The following DGCR2 variants were observed in gnomAD, a reference collection of about 807,000 sequenced individuals.
The protein encoded by DGCR2 is DiGeorge syndrome critical region gene 2, also known as integral membrane protein DGCR2/IDD.
A neutral mutation model predicts 51.6 loss-of-function variants in DGCR2; 24 were observed. The ratio of observed to expected loss-of-function variants is 0.47; its 90% CI spans 0.34 to 0.65. The LOEUF (loss-of-function observed/expected upper bound fraction) is 0.65. DGCR2 is among the 30% of genes least tolerant of loss of function. The pLI is 0.01. For synonymous variants in DGCR2, 340 were observed against 315.4 expected, an observed-to-expected ratio of 1.08 and a Z score of -0.82; for missense variants, 765 against 772.1, an observed-to-expected ratio of 0.99 and a Z score of 0.11.
chr22:19,084,815 G>T (rs1227193364), intron 2 of DGCR2, among the ~76,000 whole-genome samples: 26 of 136,984 alleles, frequency 1.9e-4, no homozygotes, highest in African/African-American at 6.1e-4. Context: ...AGGTGGGGGG[G>T]CGCCTCCGCC....
At chr22:19,113,225 C>T (rs1288102684) in intron 1 of DGCR2, among the ~76,000 whole-genome samples, 1 of 152,032 alleles carries the variant, frequency 6.6e-6, no homozygotes, top group Admixed American at 6.6e-5. Context: ...CAAAAATTAG[C>T]CAGGTGTGGT....
intron 6 of DGCR2, among the ~76,000 whole-genome samples, chr22:19,050,835 A>G (rs1315984461): frequency 1.3e-5 from 2 of 152,212 alleles, no homozygotes; most frequent in Non-Finnish European, 2.9e-5. Context: ...TTTAGGAAAA[A>G]AACACAGAAG....
chr22:19,106,964 C>G (rs557234292), intron 1 of DGCR2, among the ~76,000 whole-genome samples: 7 of 152,022 alleles, frequency 4.6e-5, no homozygotes, highest in South Asian at 2.1e-4. Context: ...AGAGCCCCAC[C>G]ACCAGTCTGG....
At chr22:19,089,863 G>A (rs565176875) in intron 1 of DGCR2, among the ~76,000 whole-genome samples, 82 of 152,376 alleles carry the variant, frequency 5.4e-4, no homozygotes, top group African/African-American at 1.9e-3. Context: ...TTACAGGCAT[G>A]TACCACTGTG....
rs1449288417 is a variant in DGCR2, at chr22:19,039,058, C to A, written c.1460G>T (p.Gly487Val). Reference protein sequence around the residue: ...LPAPGDGGSEGALLRRLEQPL... With the variant: ...LPAPGDGGSEVALLRRLEQPL... ...CTGCTCCAGGCGCCGGAGTAATGCA[C>A]CTTCACTCCCACCATCCCCAGGGGC... Residue 487 changes from glycine (G) to valine (V), a missense_variant, in exon 10 of 10, where the codon GGT (glycine) becomes GTT (valine). Physicochemically the swap from Gly to Val is moderately radical, Grantham distance 109. Transcript: ENST00000263196. The A allele has an allele frequency of 6.2e-7, 1 of 1,613,252 alleles. No homozygotes were observed. Among genetic ancestry groups the A allele is most frequent in the Non-Finnish European group, 8.5e-7 (1 of 1,180,004 alleles).
chr22:19,119,214 T>TG (rs1417118310), intron 1 of DGCR2, among the ~76,000 whole-genome samples: 2 of 152,066 alleles, frequency 1.3e-5, no homozygotes, highest in African/African-American at 4.8e-5. Context: ...GACACACAGT[T>TG]GGAGTGCACA....
chr22:19,068,233 CA>C lies in DGCR2; in HGVS notation c.203-9del. ...GCACCTCCCCGGTCACTTCTGAAAG[CA>C]AAAGGAGATGTGTGCTGTGAGTCCT... On this transcript the variant is annotated splice_polypyrimidine_tract_variant and intron_variant, in intron 2 of 9. Transcript: ENST00000263196. The C allele has an allele frequency of 6.3e-7, 1 of 1,585,276 alleles. No individual in the cohort carries two copies. Among genetic ancestry groups the C allele is most frequent in the South Asian group, 1.2e-5 (1 of 86,788 alleles).
In DGCR2 at chr22:19,068,214, C is replaced by T. The variant is rs1009344591; in HGVS notation, c.214G>A (p.Glu72Lys). ...TCCTTCCCATGATGAGGACGCACCT[C>T]CCCGGTCACTTCTGAAAGCAAAAGG... is the stretch of plus-strand genomic sequence containing the variant. Reference protein sequence around the residue: ...DEANCPEVTGEVRPHHGKEAV... With the variant: ...DEANCPEVTGKVRPHHGKEAV... The change falls in exon 3 of 10, where the codon GAG becomes AAG. Residue 72 changes from glutamate (E) to lysine (K), a missense_variant. Glu to Lys is a moderately conservative substitution (Grantham distance 56). Transcript: ENST00000263196. 1.2e-6 allele frequency: 2 copies of T among 1,600,714 alleles called. No homozygotes were observed. The highest frequency in any genetic ancestry group is 1.3e-5 in the African/African-American group (1 of 74,550).
intron 4 of DGCR2, 115 bp from the exon 5 acceptor site, chr22:19,063,393 T>TA: frequency 1.1e-6 from 1 of 939,204 alleles, no homozygotes; most frequent in Non-Finnish European, 1.6e-6. Flanking sequence ...CAGGATGGAG[T>TA]GCAGTGGTGC....
chr22:19,061,947 G>A (rs2082668070), intron 5 of DGCR2: 1 of 152,164 alleles, frequency 6.6e-6, no homozygotes, highest in South Asian at 2.1e-4. Context: ...AGCTGCACTT[G>A]GCCATTAAAG....
chr22:19,050,912 G>A (rs930314528), intron 6 of DGCR2, among the ~76,000 whole-genome samples: 5 of 152,178 alleles, frequency 3.3e-5, no homozygotes, highest in African/African-American at 1.2e-4. Flanking sequence ...AAGGAAGCTG[G>A]TTTCAGTGGC....
chr22:19,048,207 G>T (rs2082511053), intron 7 of DGCR2: 2 of 580,350 alleles, frequency 3.4e-6, no homozygotes, highest in Admixed American at 6.1e-5. Flanking sequence ...ATTTGTGAAT[G>T]CTGCCTGTCA....
intron 1 of DGCR2, among the ~76,000 whole-genome samples, chr22:19,112,180 G>A (rs914732867): frequency 6.6e-6 from 1 of 150,778 alleles, no homozygotes; most frequent in African/African-American, 2.4e-5. Flanking sequence ...GGCTGAGGCA[G>A]GAGAATCGCT....
At chr22:19,078,746 C>T (rs2082906010) in intron 2 of DGCR2, among the ~76,000 whole-genome samples, 2 of 152,160 alleles carry the variant, frequency 1.3e-5, no homozygotes, top group African/African-American at 4.8e-5. Context: ...GACTGCTAAA[C>T]TTGGTTAACT....
In DGCR2 at chr22:19,038,776, G is replaced by A. The variant is rs113193119; in HGVS notation, c.*89C>T. ...TGCGGCAGTGCGTGGCGTCCAGGCT[G>A]GGACAGGGGCCTTTCAAGTCTCCCC... is the stretch of plus-strand genomic sequence containing the variant. On this transcript the variant is annotated 3_prime_UTR_variant, in exon 10 of 10. Transcript: ENST00000263196. 3,069 of 1,526,888 alleles carry A rather than the reference G, an allele frequency of 2.0e-3. 7 individuals are homozygous for A. Among genetic ancestry groups the A allele is most frequent in the Non-Finnish European group, 2.5e-3 (2,825 of 1,125,376 alleles). 94.6% of individuals were successfully genotyped at this position (1,526,888 alleles called of 1,614,324 possible). A position where few individuals can be genotyped will look rare whatever the true frequency, so the allele number is the denominator to read the frequency against.
In DGCR2 at chr22:19,037,569, C is replaced by T. The variant is rs112819192; in HGVS notation, c.*1296G>A. ...CAGTGACCCGTGAAGTTCCATGTGCCACCCTCACCTGCAGACGCTTGGCCA... is the reference window on the plus strand; with the variant it reads ...CAGTGACCCGTGAAGTTCCATGTGCTACCCTCACCTGCAGACGCTTGGCCA... On this transcript the variant is annotated 3_prime_UTR_variant, in exon 10 of 10. Transcript: ENST00000263196. 0.014 allele frequency: 2,078 copies of T among 152,488 alleles called. 13 individuals are homozygous for T. The highest frequency in any genetic ancestry group is 0.03 in the South Asian group (146 of 4,826). 9.4% of individuals were successfully genotyped at this position (152,488 alleles called of 1,614,324 possible).
chr22:19,058,458 T>A (rs2082626268), intron 5 of DGCR2, among the ~76,000 whole-genome samples: 1 of 152,132 alleles, frequency 6.6e-6, no homozygotes, highest in African/African-American at 2.4e-5. Flanking sequence ...GCCACCACCA[T>A]CACGCTGTGC....
intron 1 of DGCR2, among the ~76,000 whole-genome samples, chr22:19,110,057 T>G (rs2083298223): frequency 6.6e-6 from 1 of 152,226 alleles, no homozygotes; most frequent in Admixed American, 6.5e-5. Context: ...AAAGCACATG[T>G]CCTATCATAT....
chr22:19,110,637 A>T (rs112503004), intron 1 of DGCR2, among the ~76,000 whole-genome samples: 2,554 of 50,710 alleles, frequency 0.05, 79 homozygotes, highest in African/African-American at 0.23. Context: ...AAATTAAATT[A>T]AAAAAAAAAA....
Sources: allele counts gnomAD v4.1 joint callset (sites outside exome capture counted in the v4.1 genomes callset), GRCh38; gene constraint gnomAD v4.1.1; transcripts MANE v1.5; gene names NCBI Gene and HGNC (gene_info 2026-07-23, HGNC 2026-07-21).